SHANK2: variants seen among roughly 807,000 people sequenced by gnomAD.
SHANK2 encodes SH3 and multiple ankyrin repeat domains protein 2.
SHANK2 carries 43 observed loss-of-function variants against 133.7 expected under a neutral mutation model. The ratio of observed to expected loss-of-function variants is 0.32; its 90% CI spans 0.25 to 0.41. SHANK2 has a LOEUF of 0.41. Among genes scored for constraint, SHANK2 ranks in the 10% least tolerant of loss-of-function variants. The probability of loss-of-function intolerance (pLI) is 1.00; values close to 1 mark genes in which losing one functional copy is unlikely to be tolerated. For missense variants in SHANK2, 1,994 were observed against 2,235.8 expected, an observed-to-expected ratio of 0.89 and a Z score of 2.18; for synonymous variants, 1,017 against 952.8, an observed-to-expected ratio of 1.07 and a Z score of -1.24.
chr11:70,590,769 CA>C (rs57234694), intron 17 of SHANK2, among the ~76,000 whole-genome samples: 2,335 of 139,084 alleles, frequency 0.017, 31 homozygotes, highest in African/African-American at 0.042. Context: ...ACTGGGAAAC[CA>C]AAAAAAAAAA....
chr11:70,495,621 G>A (rs946915495), intron 21 of SHANK2, among the ~76,000 whole-genome samples: 7 of 152,186 alleles, frequency 4.6e-5, no homozygotes, highest in Admixed American at 2.6e-4. Context: ...AGGGCACTGC[G>A]GGGTGGGGAT....
chr11:70,818,995 T>C (rs1222045324), intron 12 of SHANK2, among the ~76,000 whole-genome samples: 1 of 152,158 alleles, frequency 6.6e-6, no homozygotes, highest in African/African-American at 2.4e-5. Flanking sequence ...CTCCCTGACA[T>C]CCCTGACCTT....
chr11:70,507,920 G>A (rs1193216213), intron 17 of SHANK2, among the ~76,000 whole-genome samples: 1 of 152,230 alleles, frequency 6.6e-6, no homozygotes, highest in Non-Finnish European at 1.5e-5. Context: ...CAAGAGCGGG[G>A]CTTGTGATTT....
intron 10 of SHANK2, among the ~76,000 whole-genome samples, chr11:70,920,668 C>T (rs879957604): frequency 6.6e-6 from 1 of 152,218 alleles, no homozygotes; most frequent in African/African-American, 2.4e-5. Context: ...ACGGGGTCTA[C>T]TCCAGTGACA....
chr11:71,090,442 CGTGTGTGT>C (rs1181678975), intron 8 of SHANK2, among the ~76,000 whole-genome samples: 9 of 8,044 alleles, frequency 1.1e-3, no homozygotes, highest in East Asian at 5.2e-3. Flanking sequence ...AGAAACACTA[CGTGTGTGT>C]GTGTGTGTGT....
intron 2 of SHANK2, among the ~76,000 whole-genome samples, chr11:71,155,646 A>T (rs1292455532): frequency 2.0e-5 from 3 of 147,462 alleles, no homozygotes; most frequent in African/African-American, 7.7e-5. Context: ...TCTTGCCTAG[A>T]AGCTGTCCCC....
chr11:71,156,084 C>T (rs1409625298), intron 2 of SHANK2, among the ~76,000 whole-genome samples: 5 of 152,270 alleles, frequency 3.3e-5, no homozygotes, highest in Admixed American at 6.5e-5. Flanking sequence ...GCCACGTGCA[C>T]GCCAGGGAGC....
chr11:71,137,582 G>A (rs1462471059), intron 3 of SHANK2, among the ~76,000 whole-genome samples: 12 of 152,076 alleles, frequency 7.9e-5, no homozygotes, highest in Non-Finnish European at 1.3e-4. Flanking sequence ...AAGTTCTATC[G>A]GTGCCAGGGT....
chr11:71,233,513 C>T (rs1371486525), intron 1 of SHANK2, among the ~76,000 whole-genome samples: 2 of 151,812 alleles, frequency 1.3e-5, no homozygotes, highest in East Asian at 3.9e-4. Flanking sequence ...GTTTTGGCGT[C>T]TTTATTGGGG....
At chr11:71,083,369 C>T (rs997556616) in intron 8 of SHANK2, among the ~76,000 whole-genome samples, 1 of 152,278 alleles carries the variant, frequency 6.6e-6, no homozygotes, top group East Asian at 1.9e-4. Flanking sequence ...AGCACCTGGT[C>T]TATGCCGGGC....
At chr11:70,863,158 A>ACCAGC in intron 11 of SHANK2, 1 of 360,512 alleles carries the variant, frequency 2.8e-6, no homozygotes, top group South Asian at 2.0e-5. Context: ...CTCAAAAATA[A>ACCAGC]TTTGTAGGCC....
At chr11:70,644,165 A>G (rs1388557418) in intron 17 of SHANK2, among the ~76,000 whole-genome samples, 2 of 152,242 alleles carry the variant, frequency 1.3e-5, no homozygotes, top group African/African-American at 4.8e-5. Flanking sequence ...AATTTAAAAA[A>G]ATGTAGTAGA....
intron 14 of SHANK2, among the ~76,000 whole-genome samples, chr11:70,740,230 G>C (rs1255429854): frequency 1.3e-5 from 2 of 152,226 alleles, no homozygotes; most frequent in African/African-American, 4.8e-5. Flanking sequence ...GGTGCTGAAT[G>C]AAAGACTGAA....
chr11:71,060,073 A>C (rs1950970020), intron 9 of SHANK2, among the ~76,000 whole-genome samples: 1 of 152,192 alleles, frequency 6.6e-6, no homozygotes, highest in Admixed American at 6.5e-5. Flanking sequence ...AATTAGAAGC[A>C]AAACCACCAT....
At chr11:70,844,381 C>T (rs1555062587) in intron 11 of SHANK2, among the ~76,000 whole-genome samples, 1 of 152,140 alleles carries the variant, frequency 6.6e-6, no homozygotes, top group African/African-American at 2.4e-5. Flanking sequence ...AAAATCTCTC[C>T]CCCTAAATCC....
intron 5 of SHANK2, among the ~76,000 whole-genome samples, chr11:71,110,744 G>A (rs540502042): frequency 1.3e-5 from 2 of 152,182 alleles, no homozygotes; most frequent in African/African-American, 4.8e-5. Context: ...TGTCTGGCAC[G>A]TGACAAGTAC....
chr11:70,852,888 C>T (rs1949109575), intron 11 of SHANK2, among the ~76,000 whole-genome samples: 1 of 152,100 alleles, frequency 6.6e-6, no homozygotes, highest in South Asian at 2.1e-4. Flanking sequence ...TAGGAAGAAG[C>T]CCAAGGTAGA....
At chr11:70,933,789 G>A (rs562141575) in intron 10 of SHANK2, among the ~76,000 whole-genome samples, 11 of 151,480 alleles carry the variant, frequency 7.3e-5, no homozygotes, top group South Asian at 2.1e-4. Context: ...GCATGGTGGC[G>A]CACACCTATA....
chr11:70,498,166 G>GTGGTC (rs2058998385), intron 21 of SHANK2, among the ~76,000 whole-genome samples: 1 of 152,252 alleles, frequency 6.6e-6, no homozygotes, highest in African/African-American at 2.4e-5. Flanking sequence ...TGGGCTTGAA[G>GTGGTC]TGGTCTGTCT....
Sources: gnomAD v4.1 joint callset for allele counts (sites outside exome capture counted in the v4.1 genomes callset) on GRCh38, gnomAD v4.1.1 for gene constraint, MANE v1.5 for transcripts, NCBI Gene and HGNC (gene_info 2026-07-23, HGNC 2026-07-21) for gene names.